MTMR3: variants seen among roughly 807,000 people sequenced by gnomAD.
MTMR3 encodes the protein phosphatidylinositol-3,5-bisphosphate 3-phosphatase MTMR3.
A neutral mutation model predicts 132.4 loss-of-function variants in MTMR3; 32 were observed. That is an observed-to-expected ratio of 0.24 (90% CI 0.18 to 0.32). The LOEUF (loss-of-function observed/expected upper bound fraction) is 0.32, where lower values mean the gene tolerates loss of function less well. MTMR3 is among the 10% of genes least tolerant of loss of function. The pLI is 1.00. For missense variants in MTMR3, 1,216 were observed against 1,489.6 expected, an observed-to-expected ratio of 0.82 and a Z score of 3.02; for synonymous variants, 556 against 550.3, an observed-to-expected ratio of 1.01 and a Z score of -0.14.
intron 1 of MTMR3, among the ~76,000 whole-genome samples, chr22:29,925,723 C>T (rs1276088504): frequency 6.6e-6 from 1 of 151,890 alleles, no homozygotes; most frequent in African/African-American, 2.4e-5. Context: ...TGAGATCAGC[C>T]TGGCCAACAA....
chr22:29,994,201 TTA>T (rs765188945), intron 7 of MTMR3: 5 of 939,900 alleles, frequency 5.3e-6, no homozygotes, highest in Non-Finnish European at 6.3e-6. Flanking sequence ...TGGCTAGAGA[TTA>T]TGAGTAAGGG....
intron 1 of MTMR3, among the ~76,000 whole-genome samples, chr22:29,949,976 A>G (rs571532623): frequency 6.0e-4 from 92 of 152,304 alleles, no homozygotes; most frequent in South Asian, 2.5e-3. Flanking sequence ...GAACAGGAGG[A>G]ATTGTAGTTA....
chr22:29,994,981 C>T (rs541946361), intron 7 of MTMR3: 1 of 152,386 alleles, frequency 6.6e-6, no homozygotes, highest in African/African-American at 2.4e-5. Flanking sequence ...ATGTCCTTAA[C>T]TTCCTGCTCC....
rs1156423397 is a variant in MTMR3 at position 30,027,796 on chromosome 22, G to C, written c.*1995G>C. 1 of 152,496 alleles carries C rather than the reference G, an allele frequency of 6.6e-6. No homozygotes were observed. The highest frequency in any genetic ancestry group is 1.5e-5 in the Non-Finnish European group (1 of 68,034). 9.4% of individuals were successfully genotyped at this position (152,496 alleles called of 1,614,324 possible). On this transcript the variant is annotated 3_prime_UTR_variant, in exon 20 of 20. Transcript: ENST00000401950. ...TTTTCATTTTTTGTCAAAGCAAGAA[G>C]TAAATACTTTAGAATTGTTAAATAT...
At chr22:30,021,991 C>G in intron 17 of MTMR3, 38 bp from the exon 18 acceptor site, 1 of 1,517,096 alleles carries the variant, frequency 6.6e-7, no homozygotes, top group South Asian at 1.1e-5. Flanking sequence ...GGGAGGAGAC[C>G]AGGTTCATTC....
chr22:29,999,906 G>C (rs1428910020), intron 8 of MTMR3: 1 of 152,224 alleles, frequency 6.6e-6, no homozygotes, highest in East Asian at 1.9e-4. Context: ...CAGCAACTTG[G>C]GAGGCTGAGG....
At chr22:29,966,750 T>C (rs923173065) in intron 2 of MTMR3, among the ~76,000 whole-genome samples, 1 of 151,238 alleles carries the variant, frequency 6.6e-6, no homozygotes. Context: ...TGTGTGTGTG[T>C]GTGTGTGTGT....
At chr22:29,958,920 T>C (rs993209928) in intron 2 of MTMR3, among the ~76,000 whole-genome samples, 2 of 152,334 alleles carry the variant, frequency 1.3e-5, no homozygotes, top group Middle Eastern at 3.4e-3. Context: ...TTAGTAGAGA[T>C]TGGTCAGCAT....
Position 30,022,078 on chromosome 22 carries a change from G to A in MTMR3, c.3275G>A (p.Arg1092His), listed in dbSNP as rs756880491. The A allele has an allele frequency of 5.6e-6, 9 of 1,614,156 alleles. No individual in the cohort carries two copies. The highest frequency in any genetic ancestry group is 1.1e-5 in the South Asian group (1 of 91,076). ...AATCTGGATCAGAACTGTTTGTCTCGCTGCAGCACAGAGATTTTCTCTGAA... is the reference window on the plus strand; with the variant it reads ...AATCTGGATCAGAACTGTTTGTCTCACTGCAGCACAGAGATTTTCTCTGAA... ...ESNLDQNCLS[R>H]CSTEIFSEAS... Residue 1092 changes from arginine to histidine, a missense_variant, in exon 18 of 20, where the codon CGC (arginine) becomes CAC (histidine). This residue lies in a region of MTMR3 where 852 missense variants were observed against 852.0 expected (regional missense o/e 1.00). Transcript: ENST00000401950.
intron 14 of MTMR3, chr22:30,015,682 A>T (rs945150651): frequency 1.3e-5 from 2 of 152,158 alleles, no homozygotes; most frequent in Admixed American, 6.5e-5. Flanking sequence ...TCTAAAACAC[A>T]AGGCAGGCTG....
intron 18 of MTMR3, chr22:30,022,385 G>A (rs2067784480): frequency 3.3e-6 from 2 of 609,842 alleles, no homozygotes; most frequent in Admixed American, 2.8e-5. Context: ...CTCTCACAGT[G>A]ACCCAGGGTG....
At chr22:29,922,447 T>C (rs36579) in intron 1 of MTMR3, among the ~76,000 whole-genome samples, 11,847 of 152,306 alleles carry the variant, frequency 0.078, 536 homozygotes, top group African/African-American at 0.092. Flanking sequence ...AATTCTCCTA[T>C]GAATGTTGGT....
chr22:29,980,418 C>T (rs987391201), intron 5 of MTMR3: 1 of 152,100 alleles, frequency 6.6e-6, no homozygotes, highest in African/African-American at 2.4e-5. Context: ...GCTGTTCTTT[C>T]ATACTATGTA....
intron 2 of MTMR3, among the ~76,000 whole-genome samples, chr22:29,962,518 A>G (rs1279622523): frequency 2.6e-5 from 4 of 152,068 alleles, no homozygotes; most frequent in African/African-American, 4.8e-5. Context: ...CCACAAAAAT[A>G]AAAATAGCCG....
chr22:30,009,110 C>A lies in MTMR3; in HGVS notation c.1102C>A (p.Gln368Lys). The change falls in exon 12 of 20, where the codon CAG becomes AAG. Residue 368 changes from glutamine to lysine, a missense_variant. Gln to Lys is a moderately conservative substitution (Grantham distance 53). Around this residue, in one of 7 missense-constraint regions of MTMR3, gnomAD observed 106 missense variants for 209.5 expected, o/e 0.51. Coordinates refer to ENST00000401950, the MANE Select transcript of MTMR3 (RefSeq NM_021090.4). ...TCAGTCTCTGCGGTTGCTGTGCACT[C>A]AGATGCCAGATCCGGGAAAGTAAGT... ...SFQSLRLLCT[Q>K]MPDPGNWLSA... 1 of 1,610,004 alleles carries A rather than the reference C, an allele frequency of 6.2e-7. No homozygotes were observed. The highest frequency in any genetic ancestry group is 8.5e-7 in the Non-Finnish European group (1 of 1,176,228).
intron 1 of MTMR3, among the ~76,000 whole-genome samples, chr22:29,922,149 C>G (rs974988388): frequency 2.6e-5 from 4 of 152,022 alleles, no homozygotes; most frequent in Admixed American, 6.6e-5. Context: ...GCCTCAGCCT[C>G]CCGAGTAGCT....
At chr22:29,993,284 A>C (rs2066999009) in intron 7 of MTMR3, 1 of 152,186 alleles carries the variant, frequency 6.6e-6, no homozygotes, top group African/African-American at 2.4e-5. Flanking sequence ...AAATGCCATC[A>C]CATTTTAAAT....
At chr22:29,915,449 TCTCG>T (rs970857799) in intron 1 of MTMR3, among the ~76,000 whole-genome samples, 1 of 152,064 alleles carries the variant, frequency 6.6e-6, no homozygotes, top group Non-Finnish European at 1.5e-5. Context: ...TGAGATGGAG[TCTCG>T]CTCTGCCACC....
At chr22:29,961,496 A>T (rs957486783) in intron 2 of MTMR3, among the ~76,000 whole-genome samples, 3 of 152,166 alleles carry the variant, frequency 2.0e-5, no homozygotes, top group Non-Finnish European at 4.4e-5. Context: ...GGGGTAGATA[A>T]TGTGTGTCTT....
Sources: allele counts gnomAD v4.1 joint callset (sites outside exome capture counted in the v4.1 genomes callset), GRCh38; gene constraint gnomAD v4.1.1; regional missense constraint gnomAD v4.1.1; transcripts MANE v1.5; gene names NCBI Gene and HGNC (gene_info 2026-07-23, HGNC 2026-07-21).